KIAA1328: variants seen among roughly 807,000 people sequenced by gnomAD.
KIAA1328 encodes the protein protein hinderin.
In KIAA1328, 52 loss-of-function variants were observed where a neutral mutation model predicts 68.1. The ratio of observed to expected loss-of-function variants is 0.76; its 90% CI spans 0.61 to 0.96. The LOEUF is 0.96. Ranked by LOEUF, KIAA1328 falls within the 40% of genes least tolerant of loss-of-function variation. KIAA1328 has a pLI of 0.00. For missense variants in KIAA1328, 641 were observed against 677.6 expected (o/e 0.95, Z 0.60); for synonymous variants, 232 against 239.4 (o/e 0.97, Z 0.28).
intron 4 of KIAA1328, among the ~76,000 whole-genome samples, chr18:36,865,337 A>G (rs2047713840): frequency 6.6e-6 from 1 of 152,076 alleles, no homozygotes; most frequent in African/African-American, 2.4e-5. Flanking sequence ...GAACCATGCC[A>G]TATAATTTCC....
intron 7 of KIAA1328, among the ~76,000 whole-genome samples, chr18:37,096,601 G>C (rs2057415946): frequency 6.6e-6 from 1 of 152,172 alleles, no homozygotes; most frequent in Non-Finnish European, 1.5e-5. Context: ...CCAGTAATGG[G>C]ATTGCTGGGT....
chr18:36,948,998 C>CAAAAT (rs1406318208), intron 5 of KIAA1328, among the ~76,000 whole-genome samples: 1 of 152,158 alleles, frequency 6.6e-6, no homozygotes, highest in Non-Finnish European at 1.5e-5. Context: ...AGACCATTTT[C>CAAAAT]CATAGTCTAT....
chr18:37,121,386 T>A (rs1336043044), intron 7 of KIAA1328, among the ~76,000 whole-genome samples: 1 of 152,094 alleles, frequency 6.6e-6, no homozygotes, highest in East Asian at 1.9e-4. Context: ...CTGACATAAT[T>A]CTAAAGAAAG....
chr18:36,927,818 G>T (rs1351631447), intron 5 of KIAA1328, among the ~76,000 whole-genome samples: 1 of 148,880 alleles, frequency 6.7e-6, no homozygotes, highest in Admixed American at 6.8e-5. Flanking sequence ...AGAGAGGAAA[G>T]AAAAAGAAAG....
chr18:37,150,534 C>T (rs1167691170), intron 7 of KIAA1328, among the ~76,000 whole-genome samples: 2 of 151,316 alleles, frequency 1.3e-5, no homozygotes, highest in African/African-American at 2.4e-5. Context: ...AATGACAGGC[C>T]GGTCTTCCTC....
chr18:36,985,066 C>A (rs1216103330), intron 6 of KIAA1328, among the ~76,000 whole-genome samples: 2 of 151,982 alleles, frequency 1.3e-5, no homozygotes, highest in Admixed American at 6.6e-5. Context: ...ATTTGGGAGG[C>A]CAAGGCAGGA....
At chr18:37,120,007 A>C (rs577344210) in intron 7 of KIAA1328, among the ~76,000 whole-genome samples, 2 of 152,310 alleles carry the variant, frequency 1.3e-5, no homozygotes, top group East Asian at 3.9e-4. Flanking sequence ...TAGTACTGTA[A>C]GATATTGACT....
chr18:37,020,225 C>T (rs530309106), intron 6 of KIAA1328, among the ~76,000 whole-genome samples: 2 of 152,144 alleles, frequency 1.3e-5, no homozygotes, highest in African/African-American at 2.4e-5. Context: ...CCGCGTTGAG[C>T]GATCCTCCTG....
Position 36,940,437 on chromosome 18 carries a change from A to T in KIAA1328, c.449-18871A>T, listed in dbSNP as rs891323469. On this transcript the variant is annotated intron_variant, in intron 5 of 9. Transcript: ENST00000280020. ...CAGGTTGATTATATAGAAAGGTTAA[A>T]CCCAGTGTAGACAACTATTCATGAA... is the stretch of plus-strand genomic sequence containing the variant. Among the ~76,000 whole-genome samples the T allele has an allele frequency of 5.1e-4, 78 of 152,274 alleles. 1 individual carries two copies. Among genetic ancestry groups the T allele is most frequent in the African/African-American group, 1.9e-3 (77 of 41,548 alleles).
intron 4 of KIAA1328, among the ~76,000 whole-genome samples, chr18:36,844,926 C>T (rs138130840): frequency 2.7e-4 from 41 of 151,662 alleles, no homozygotes; most frequent in East Asian, 9.6e-4. Context: ...GTTAAATTTA[C>T]GGAGAGACCA....
intron 7 of KIAA1328, among the ~76,000 whole-genome samples, chr18:37,129,813 A>G (rs905908947): frequency 2.6e-5 from 4 of 152,202 alleles, no homozygotes; most frequent in African/African-American, 9.7e-5. Context: ...CCAACAATGT[A>G]GAGTTGATGC....
intron 5 of KIAA1328, among the ~76,000 whole-genome samples, chr18:36,899,429 A>G (rs568839908): frequency 5.4e-4 from 82 of 151,984 alleles, no homozygotes; most frequent in African/African-American, 2.0e-3. Flanking sequence ...ATCTGACTCA[A>G]GAGAAAACTT....
At chr18:37,092,364 C>T (rs1354044866) in intron 7 of KIAA1328, among the ~76,000 whole-genome samples, 18 of 152,054 alleles carry the variant, frequency 1.2e-4, no homozygotes, top group Non-Finnish European at 1.5e-5. Flanking sequence ...ATTTGTCAGC[C>T]TGTGTATTGA....
At chr18:36,893,443 GTGTGTGTGTGTGTGTGTGTTTT>G (rs1188956069) in intron 5 of KIAA1328, among the ~76,000 whole-genome samples, 7 of 137,864 alleles carry the variant, frequency 5.1e-5, no homozygotes, top group Admixed American at 2.4e-4. Context: ...ATTTGTGTGT[GTGTGTGTGTGTGTGTGTGTTTT>G]TGTGTGTGTG....
intron 5 of KIAA1328, among the ~76,000 whole-genome samples, chr18:36,922,580 T>G (rs971530607): frequency 2.0e-5 from 3 of 152,222 alleles, no homozygotes; most frequent in Admixed American, 6.5e-5. Flanking sequence ...GGATGCTTTT[T>G]TTGTTGTTGA....
chr18:37,054,237 T>C (rs1291695192), intron 6 of KIAA1328, among the ~76,000 whole-genome samples: 1 of 152,178 alleles, frequency 6.6e-6, no homozygotes, highest in African/African-American at 2.4e-5. Flanking sequence ...TCATCCCCTA[T>C]GGAAAACAGT....
intron 5 of KIAA1328, among the ~76,000 whole-genome samples, chr18:36,899,499 C>A (rs1417927874): frequency 6.6e-6 from 1 of 151,748 alleles, no homozygotes; most frequent in Non-Finnish European, 1.5e-5. Flanking sequence ...GATAGTATAT[C>A]TAAATTGCAA....
At chr18:36,952,653 T>C (rs889193822) in intron 5 of KIAA1328, among the ~76,000 whole-genome samples, 1 of 152,218 alleles carries the variant, frequency 6.6e-6, no homozygotes. Flanking sequence ...TCCACAGTAC[T>C]GCCTTTGTAC....
chr18:36,920,982 A>G (rs1002195937), intron 5 of KIAA1328: 1 of 152,148 alleles, frequency 6.6e-6, no homozygotes, highest in Admixed American at 6.5e-5. Context: ...TTCCGTTAGT[A>G]TTTCCTTTCA....
Sources: gnomAD v4.1 joint callset for allele counts (sites outside exome capture counted in the v4.1 genomes callset) on GRCh38, gnomAD v4.1.1 for gene constraint, MANE v1.5 for transcripts, NCBI Gene and HGNC (gene_info 2026-07-23, HGNC 2026-07-21) for gene names.